Variants in TRAPPC9 observed in about 807,000 individuals in gnomAD.
TRAPPC9 encodes IKK2 binding protein.
A neutral mutation model predicts 124.0 loss-of-function variants in TRAPPC9; 83 were observed. That is an observed-to-expected ratio of 0.67 (90% CI 0.56 to 0.80). The LOEUF (loss-of-function observed/expected upper bound fraction) is 0.80, where lower values mean the gene tolerates loss of function less well. TRAPPC9 is among the 30% of genes least tolerant of loss of function. TRAPPC9 has a pLI of 0.00. For synonymous variants in TRAPPC9, 638 were observed against 617.5 expected (o/e 1.03, Z -0.49); for missense variants, 1,302 against 1,508.3 (o/e 0.86, Z 2.27).
intron 19 of TRAPPC9, among the ~76,000 whole-genome samples, chr8:139,948,535 C>G (rs75819674): frequency 0.016 from 2,423 of 152,298 alleles, 76 homozygotes; most frequent in African/African-American, 0.056. Flanking sequence ...AATTACCAGG[C>G]TGGCCCGATG....
At chr8:140,265,729 G>C (rs1051906261) in intron 15 of TRAPPC9, among the ~76,000 whole-genome samples, 1 of 152,140 alleles carries the variant, frequency 6.6e-6, no homozygotes, top group Non-Finnish European at 1.5e-5. Flanking sequence ...TTAGGTAAGG[G>C]CTATCAGGTG....
chr8:140,277,002 A>G (rs1009333460), intron 14 of TRAPPC9, among the ~76,000 whole-genome samples: 10 of 151,648 alleles, frequency 6.6e-5, no homozygotes, highest in Non-Finnish European at 1.0e-4. Flanking sequence ...CACTCCAGAC[A>G]CTCTCCAGCA....
chr8:140,027,997 G>T (rs1196358137), intron 17 of TRAPPC9, among the ~76,000 whole-genome samples: 5 of 152,114 alleles, frequency 3.3e-5, no homozygotes, highest in African/African-American at 4.8e-5. Context: ...TGAGATTTGG[G>T]TGGGGACACA....
chr8:140,220,332 C>T (rs2063309023), intron 17 of TRAPPC9, among the ~76,000 whole-genome samples: 2 of 152,208 alleles, frequency 1.3e-5, no homozygotes, highest in Admixed American at 6.5e-5. Flanking sequence ...GTGCATGTGC[C>T]GTGCAGTTGC....
chr8:140,235,944 A>G (rs1226705289), intron 16 of TRAPPC9, among the ~76,000 whole-genome samples: 1 of 152,172 alleles, frequency 6.6e-6, no homozygotes, highest in Non-Finnish European at 1.5e-5. Context: ...TGCATCTCAG[A>G]TATCATGTGG....
At position 140,387,924 on chromosome 8, in the gene TRAPPC9, C is replaced by T. The variant is rs183593150; in HGVS notation, c.1134+9696G>A. Among the ~76,000 whole-genome samples the T allele has an allele frequency of 3.9e-3, 588 of 152,134 alleles. 6 individuals are homozygous for T. The highest frequency in any genetic ancestry group is 0.014 in the African/African-American group (562 of 41,488). On this transcript the variant is annotated intron_variant, in intron 7 of 22. Coordinates refer to ENST00000438773, the MANE Select transcript of TRAPPC9 (RefSeq NM_001160372.4). ...ATGCTGCTATAAAGACAAATGCACA[C>T]GTATGTTTATTGCAGCACTATTCAC...
At chr8:140,239,622 G>A (rs2063812714) in intron 16 of TRAPPC9, among the ~76,000 whole-genome samples, 1 of 152,176 alleles carries the variant, frequency 6.6e-6, no homozygotes, top group East Asian at 1.9e-4. Context: ...GGGGATGCGT[G>A]GGAGGCGCCT....
At chr8:139,967,280 C>T (rs1835765516) in intron 19 of TRAPPC9, among the ~76,000 whole-genome samples, 1 of 152,190 alleles carries the variant, frequency 6.6e-6, no homozygotes, top group South Asian at 2.1e-4. Context: ...ACTTGGGTCA[C>T]TGAATGAAAG....
chr8:139,880,282 C>T (rs971740131), intron 21 of TRAPPC9, among the ~76,000 whole-genome samples: 7 of 152,184 alleles, frequency 4.6e-5, no homozygotes, highest in Admixed American at 3.3e-4. Context: ...GCAAAGATGC[C>T]AAGGGCCTCT....
chr8:140,268,877 T>A (rs2064781381), intron 15 of TRAPPC9, among the ~76,000 whole-genome samples: 1 of 151,980 alleles, frequency 6.6e-6, no homozygotes, highest in Admixed American at 6.6e-5. Context: ...GCCAAAAGCA[T>A]CTCCCTTGGA....
chr8:140,259,491 C>T (rs2064349781), intron 15 of TRAPPC9, among the ~76,000 whole-genome samples: 1 of 152,212 alleles, frequency 6.6e-6, no homozygotes, highest in African/African-American at 2.4e-5. Context: ...CAGATCCTGG[C>T]TCCGGCCGGC....
At chr8:139,964,680 T>A (rs965763682) in intron 19 of TRAPPC9, among the ~76,000 whole-genome samples, 2 of 140,894 alleles carry the variant, frequency 1.4e-5, no homozygotes, top group Non-Finnish European at 3.0e-5. Flanking sequence ...ATCTCCAAGA[T>A]GATAAAGCCT....
In TRAPPC9 at chr8:139,854,207, T is replaced by C. The variant is rs535927962; in HGVS notation, c.3055+31672A>G. ...CAGAAACCTCAGGAGGTCGAGTTCTTCCACACTCTGGAATGTTTTCCACCC... is the reference window on the plus strand; with the variant it reads ...CAGAAACCTCAGGAGGTCGAGTTCTCCCACACTCTGGAATGTTTTCCACCC... On this transcript the variant is annotated intron_variant, in intron 21 of 22. Coordinates refer to ENST00000438773, the MANE Select transcript of TRAPPC9 (RefSeq NM_001160372.4). Among the ~76,000 whole-genome samples, 3 of 152,208 alleles carry C rather than the reference T, an allele frequency of 2.0e-5. 1 individual carries two copies. Among genetic ancestry groups the C allele is most frequent in the Non-Finnish European group, 4.4e-5 (3 of 68,026 alleles).
intron 18 of TRAPPC9, among the ~76,000 whole-genome samples, chr8:140,007,608 TCTGA>T (rs1481524801): frequency 3.3e-5 from 5 of 152,158 alleles, no homozygotes; most frequent in South Asian, 2.1e-4. Flanking sequence ...GAAAAGAAAC[TCTGA>T]CTAATTGATG....
At chr8:139,929,532 A>G (rs1213908651) in intron 19 of TRAPPC9, among the ~76,000 whole-genome samples, 2 of 150,936 alleles carry the variant, frequency 1.3e-5, no homozygotes, top group South Asian at 2.1e-4. Context: ...AAAAAAAAAA[A>G]GCTGAGCTGT....
chr8:139,941,683 G>A (rs981211181), intron 19 of TRAPPC9, among the ~76,000 whole-genome samples: 4 of 152,234 alleles, frequency 2.6e-5, no homozygotes, highest in African/African-American at 9.6e-5. Context: ...CAGCGTGACT[G>A]TAACTGTGGC....
Position 139,925,847 on chromosome 8 carries a change from G to A in TRAPPC9, c.2811-15547C>T, listed in dbSNP as rs529898476. 1.3e-3 allele frequency among the ~76,000 whole-genome samples: 186 copies of A among 140,388 alleles called. 3 individuals are homozygous for A. Among genetic ancestry groups the A allele is most frequent in the African/African-American group, 4.7e-3 (170 of 36,324 alleles). 92.1% of individuals were successfully genotyped at this position (140,388 alleles called of 152,430 possible). ...CACACGCACACACACACACACACAC[G>A]TTTCAGATTTACCTCTGAGTTATGT... On this transcript the variant is annotated intron_variant, in intron 19 of 22. Coordinates refer to ENST00000438773, the MANE Select transcript of TRAPPC9 (RefSeq NM_001160372.4).
chr8:139,904,787 A>C (rs897019852), intron 20 of TRAPPC9: 9 of 152,228 alleles, frequency 5.9e-5, no homozygotes, highest in Non-Finnish European at 5.9e-5. Context: ...AGGTTCCGTC[A>C]CACCAGCTGC....
intron 21 of TRAPPC9, among the ~76,000 whole-genome samples, chr8:139,861,976 C>G (rs1828193722): frequency 6.6e-6 from 1 of 152,196 alleles, no homozygotes; most frequent in Admixed American, 6.5e-5. Flanking sequence ...CTCCAAAGAG[C>G]CTTGGACACA....
Sources: gnomAD v4.1 joint callset for allele counts (sites outside exome capture counted in the v4.1 genomes callset) on GRCh38, gnomAD v4.1.1 for gene constraint, MANE v1.5 for transcripts, NCBI Gene and HGNC (gene_info 2026-07-23, HGNC 2026-07-21) for gene names.